The following EXOC4 variants were observed in gnomAD, a reference collection of about 807,000 sequenced individuals.
The protein encoded by EXOC4 is SEC8-like 1.
Under a neutral mutation model 107.2 loss-of-function variants are expected in EXOC4, and 71 were observed. The ratio of observed to expected loss-of-function variants is 0.66; its 90% CI spans 0.55 to 0.81. EXOC4 has a LOEUF of 0.81. Ranked by LOEUF, EXOC4 falls within the 30% of genes least tolerant of loss-of-function variation. The pLI is 0.00. For synonymous variants in EXOC4, 456 were observed against 441.2 expected (o/e 1.03, Z -0.42); for missense variants, 1,108 against 1,189.6 (o/e 0.93, Z 1.01).
chr7:133,757,833 A>G (rs975352948), intron 10 of EXOC4, among the ~76,000 whole-genome samples: 2 of 152,216 alleles, frequency 1.3e-5, no homozygotes, highest in African/African-American at 2.4e-5. Flanking sequence ...TTACCTTACT[A>G]TTATTATCCC....
intron 14 of EXOC4, among the ~76,000 whole-genome samples, chr7:133,962,960 C>G (rs906039981): frequency 6.6e-6 from 1 of 152,230 alleles, no homozygotes; most frequent in African/African-American, 2.4e-5. Context: ...CATTCAGCCT[C>G]TTAGAACAGA....
At chr7:133,876,650 C>G (rs970532694) in intron 11 of EXOC4, among the ~76,000 whole-genome samples, 1 of 152,086 alleles carries the variant, frequency 6.6e-6, no homozygotes, top group Non-Finnish European at 1.5e-5. Context: ...TTACTGTGAA[C>G]TCTTACTTCT....
intron 11 of EXOC4, among the ~76,000 whole-genome samples, chr7:133,820,922 C>T (rs1338684373): frequency 6.6e-6 from 1 of 152,178 alleles, no homozygotes; most frequent in Non-Finnish European, 1.5e-5. Flanking sequence ...GAGGCATTTC[C>T]ATGGGTGCCA....
the EXOC4 span, among the ~76,000 whole-genome samples, chr7:134,090,910 T>G: frequency 6.6e-6 from 1 of 152,088 alleles, no homozygotes; most frequent in African/African-American, 2.4e-5. Flanking sequence ...CCACTCTGTC[T>G]TAGGAGAGAC....
intron 10 of EXOC4, among the ~76,000 whole-genome samples, chr7:133,782,267 G>A (rs1362764301): frequency 6.6e-6 from 1 of 152,142 alleles, no homozygotes; most frequent in Non-Finnish European, 1.5e-5. Flanking sequence ...ACCTCTGAGG[G>A]CATGCAGTCA....
At chr7:133,317,465 T>G (rs940602426) in intron 5 of EXOC4, 75 bp downstream of exon 5, 3 of 1,068,546 alleles carry the variant, frequency 2.8e-6, no homozygotes, top group Non-Finnish European at 4.2e-6. Flanking sequence ...GAGGAGCTTT[T>G]TGGGGGCTGA....
rs532788752 is a variant in EXOC4 at position 134,001,490 on chromosome 7, C to G, written c.2349-3422C>G. Among the ~76,000 whole-genome samples, 3 of 151,068 alleles carry G rather than the reference C, an allele frequency of 2.0e-5. No homozygotes were observed. In the South Asian group the frequency reaches 6.3e-4, roughly 32 times the overall value. On this transcript the variant is annotated intron_variant, in intron 15 of 17. Transcript: ENST00000253861. ...TTAATTTCTTTTTTTTTTTTAATCT[C>G]TAATCACTTGGGAAGAAGATAATAC...
intron 7 of EXOC4, among the ~76,000 whole-genome samples, chr7:133,383,280 TCACATCTCATTTCAAAA>T (rs974685083): frequency 3.3e-5 from 5 of 152,316 alleles, no homozygotes; most frequent in Admixed American, 3.3e-4. Context: ...TAAATTTTTT[TCACATCTCATTTCAAAA>T]CACAACTGTC....
chr7:133,713,183 G>C (rs903348458), intron 10 of EXOC4, among the ~76,000 whole-genome samples: 1 of 152,128 alleles, frequency 6.6e-6, no homozygotes, highest in Non-Finnish European at 1.5e-5. Context: ...ACAAAGTAAA[G>C]GGTTAATAAA....
chr7:133,874,747 T>G (rs1798815338), intron 11 of EXOC4, among the ~76,000 whole-genome samples: 1 of 152,256 alleles, frequency 6.6e-6, no homozygotes, highest in African/African-American at 2.4e-5. Context: ...CCACTGCATC[T>G]AACCAGACTT....
At chr7:133,769,743 T>C (rs1336525394) in intron 10 of EXOC4, among the ~76,000 whole-genome samples, 2 of 151,912 alleles carry the variant, frequency 1.3e-5, no homozygotes, top group Non-Finnish European at 2.9e-5. Context: ...TTTTGAACTT[T>C]TTTCCTTATT....
chr7:133,619,589 T>A (rs1802277136), intron 9 of EXOC4, among the ~76,000 whole-genome samples: 1 of 152,192 alleles, frequency 6.6e-6, no homozygotes, highest in South Asian at 2.1e-4. Context: ...AGGTCAGCAA[T>A]GAGATGGGCT....
chr7:133,736,883 T>C (rs1795455273), intron 10 of EXOC4, among the ~76,000 whole-genome samples: 1 of 152,224 alleles, frequency 6.6e-6, no homozygotes, highest in Non-Finnish European at 1.5e-5. Context: ...GACACCTTTT[T>C]ACATATATCA....
intron 10 of EXOC4, among the ~76,000 whole-genome samples, chr7:133,669,565 T>C (rs1419582058): frequency 8.8e-6 from 1 of 114,270 alleles, no homozygotes; most frequent in East Asian, 2.7e-4. Context: ...AACACAGCAG[T>C]GAATAAAGAA....
At chr7:133,804,977 A>T (rs1274915973) in intron 10 of EXOC4, among the ~76,000 whole-genome samples, 1 of 152,200 alleles carries the variant, frequency 6.6e-6, no homozygotes, top group African/African-American at 2.4e-5. Context: ...AGCCTAAACA[A>T]GCTGTAAAAA....
intron 10 of EXOC4, among the ~76,000 whole-genome samples, chr7:133,758,979 G>C (rs1795976502): frequency 3.3e-5 from 5 of 152,068 alleles, no homozygotes. Context: ...TCTCTAGAGG[G>C]TAAAGAGGAA....
intron 5 of EXOC4, among the ~76,000 whole-genome samples, chr7:133,318,282 G>T (rs913643052): frequency 1.3e-5 from 2 of 152,198 alleles, no homozygotes; most frequent in African/African-American, 4.8e-5. Context: ...TATGTTTAAG[G>T]TTGAGGGCAG....
At chr7:133,671,855 G>A (rs1427272887) in intron 10 of EXOC4, among the ~76,000 whole-genome samples, 7 of 152,182 alleles carry the variant, frequency 4.6e-5, no homozygotes, top group Non-Finnish European at 8.8e-5. Flanking sequence ...GAAGACTACA[G>A]GAAGAAGCTA....
chr7:133,878,645 T>C (rs867968348), intron 11 of EXOC4, among the ~76,000 whole-genome samples: 2 of 152,204 alleles, frequency 1.3e-5, no homozygotes, highest in African/African-American at 4.8e-5. Context: ...GGGGAAGTAA[T>C]TGATGTTCTA....
Sources: allele counts gnomAD v4.1 joint callset (sites outside exome capture counted in the v4.1 genomes callset), GRCh38; gene constraint gnomAD v4.1.1; transcripts MANE v1.5; gene names NCBI Gene and HGNC (gene_info 2026-07-23, HGNC 2026-07-21).